The following XKR6 variants were observed in gnomAD, a reference collection of about 807,000 sequenced individuals.
The protein encoded by XKR6 is XK-related protein 6.
A neutral mutation model predicts 56.7 loss-of-function variants in XKR6; 22 were observed. The ratio of observed to expected loss-of-function variants is 0.39; its 90% CI spans 0.28 to 0.55. The LOEUF (loss-of-function observed/expected upper bound fraction) is 0.55, where lower values mean the gene tolerates loss of function less well. Ranked by LOEUF, XKR6 falls within the 20% of genes least tolerant of loss-of-function variation. XKR6 has a pLI of 0.66. For missense variants in XKR6, 852 were observed against 889.0 expected (o/e 0.96, Z 0.53); for synonymous variants, 524 against 387.8 (o/e 1.35, Z -4.13).
At chr8:11,189,878 C>G (rs961114439) in intron 1 of XKR6, among the ~76,000 whole-genome samples, 1 of 152,180 alleles carries the variant, frequency 6.6e-6, no homozygotes, top group Non-Finnish European at 1.5e-5. Context: ...CTGCTTTGGA[C>G]GGGTGCAGTG....
Position 11,201,049 on chromosome 8 carries a change from A to G in XKR6, c.291T>C (p.Pro97=). ...AADGGDQPLQ[P]PAAPGAGRQP... is the part of the protein sequence containing the mutation. Reference sequence around the variant, plus strand: ...GGCGGCCGGCGCCGGGGGCCGCGGGAGGCTGCAGCGGCTGGTCCCCCCCGT... The same window carrying G: ...GGCGGCCGGCGCCGGGGGCCGCGGGGGGCTGCAGCGGCTGGTCCCCCCCGT... The change falls in exon 1 of 3, where the codon CCT becomes CCC. Residue 97 remains proline (P), a synonymous_variant. Coordinates refer to ENST00000416569, the MANE Select transcript of XKR6 (RefSeq NM_173683.4). The G allele has an allele frequency of 8.2e-7, 1 of 1,219,432 alleles. No homozygotes were observed. Among genetic ancestry groups the G allele is most frequent in the Non-Finnish European group, 1.0e-6 (1 of 984,122 alleles). The allele number at this position is 1,219,432 out of a possible 1,614,324, so 75.5% of individuals were successfully genotyped here.
At chr8:11,196,980 GA>G (rs1803924954) in intron 1 of XKR6, among the ~76,000 whole-genome samples, 3 of 76,164 alleles carry the variant, frequency 3.9e-5, no homozygotes, top group Non-Finnish European at 1.1e-4. Context: ...AGATTTTGTA[GA>G]GAGCTGCATA....
chr8:10,999,974 A>G (rs926504288), intron 1 of XKR6, among the ~76,000 whole-genome samples: 4 of 152,364 alleles, frequency 2.6e-5, no homozygotes, highest in African/African-American at 9.6e-5. Flanking sequence ...CGGTCTCCAT[A>G]TGACTTCCCA....
intron 1 of XKR6, chr8:11,195,346 T>C (rs1477169778): frequency 1.7e-6 from 1 of 592,626 alleles, no homozygotes; most frequent in Non-Finnish European, 3.0e-6. Context: ...TCCAAATGGA[T>C]AGTCAACTGC....
intron 1 of XKR6, chr8:11,108,266 C>G (rs1474471095): frequency 2.2e-6 from 1 of 455,868 alleles, no homozygotes; most frequent in Admixed American, 2.4e-5. Flanking sequence ...AAGGAATTAT[C>G]TGTGAATCTT....
At chr8:10,960,507 A>G (rs1156869040) in intron 1 of XKR6, among the ~76,000 whole-genome samples, 1 of 152,244 alleles carries the variant, frequency 6.6e-6, no homozygotes, top group Non-Finnish European at 1.5e-5. Flanking sequence ...ACACGCCTCC[A>G]CAAGAAAGGA....
chr8:11,061,489 A>C (rs934221921), intron 1 of XKR6, among the ~76,000 whole-genome samples: 1 of 151,642 alleles, frequency 6.6e-6, no homozygotes, highest in Non-Finnish European at 1.5e-5. Context: ...AAATTTCTGA[A>C]CCAGTAAAAA....
chr8:11,190,220 G>GAAAGAAAGAGA (rs1401650237), intron 1 of XKR6, among the ~76,000 whole-genome samples: 13 of 116,824 alleles, frequency 1.1e-4, no homozygotes, highest in Admixed American at 2.5e-4. Context: ...AAGAAAGAAA[G>GAAAGAAAGAGA]AAAGAGAAAA....
At position 11,062,495 on chromosome 8, in the gene XKR6, AG is replaced by A. The variant is rs1250084894; in HGVS notation, c.765-137666del. ...ATACATCCAGCTCCATGAGGTCAGG[AG>A]GTATTTCATTATCACCATCTCTCCT... On this transcript the variant is annotated intron_variant, in intron 1 of 2. Transcript: ENST00000416569. Among the ~76,000 whole-genome samples the A allele has an allele frequency of 1.5e-4, 23 of 152,206 alleles. 1 individual carries two copies. The highest frequency in any genetic ancestry group is 1.5e-3 in the Admixed American group (23 of 15,282).
At chr8:11,043,203 C>A (rs1799327929) in intron 1 of XKR6, among the ~76,000 whole-genome samples, 1 of 150,574 alleles carries the variant, frequency 6.6e-6, no homozygotes, top group Non-Finnish European at 1.5e-5. Context: ...CCCAATGCGT[C>A]TTTACTGAAG....
chr8:10,898,980 G>T lies in XKR6; in HGVS notation c.962-64C>A. 6.6e-7 allele frequency: 1 copy of T among 1,518,938 alleles called. No homozygotes were observed. Among genetic ancestry groups the T allele is most frequent in the Non-Finnish European group, 8.8e-7 (1 of 1,141,694 alleles). 94.1% of individuals were successfully genotyped at this position (1,518,938 alleles called of 1,614,324 possible). On this transcript the variant is annotated intron_variant, in intron 2 of 2. Coordinates refer to ENST00000416569, the MANE Select transcript of XKR6 (RefSeq NM_173683.4). This position sits in a 1 kb window ranked among gnomAD's most constrained non-coding sequence, Gnocchi z 6.6. ...GACATCAACCGCAGGGCACAGTGAA[G>T]CTGCCGGCTGAGGAGACGCCCACAT...
At chr8:10,983,034 G>C (rs749665757) in intron 1 of XKR6, among the ~76,000 whole-genome samples, 1 of 152,290 alleles carries the variant, frequency 6.6e-6, no homozygotes, top group African/African-American at 2.4e-5. Flanking sequence ...GTAAGCATCA[G>C]ATGAAAGAAT....
intron 2 of XKR6, among the ~76,000 whole-genome samples, chr8:10,905,472 G>C (rs559084097): frequency 6.6e-6 from 1 of 152,174 alleles, no homozygotes; most frequent in Non-Finnish European, 1.5e-5. Context: ...TGAGGAGACC[G>C]AAACAGCAGT....
intron 1 of XKR6, among the ~76,000 whole-genome samples, chr8:10,959,109 G>T (rs1801983478): frequency 6.6e-6 from 1 of 152,156 alleles, no homozygotes; most frequent in Admixed American, 6.5e-5. Flanking sequence ...GCTCGCTTTG[G>T]GGGTCCCTGG....
chr8:11,059,346 G>C (rs1355048662), intron 1 of XKR6, among the ~76,000 whole-genome samples: 1 of 152,236 alleles, frequency 6.6e-6, no homozygotes, highest in Non-Finnish European at 1.5e-5. Context: ...GCGCCCCGGA[G>C]ACTCTGGCTT....
chr8:11,121,032 T>C (rs180703671), intron 1 of XKR6, among the ~76,000 whole-genome samples: 45 of 152,206 alleles, frequency 3.0e-4, no homozygotes, highest in Non-Finnish European at 4.4e-4. Context: ...AGACAAAAAT[T>C]AATTCAAGAT....
intron 1 of XKR6, among the ~76,000 whole-genome samples, chr8:11,147,885 T>C (rs1801071081): frequency 6.6e-6 from 1 of 151,902 alleles, no homozygotes; most frequent in African/African-American, 2.4e-5. Flanking sequence ...TGTGGCTGTA[T>C]TTGGAGAGGA....
At chr8:11,081,269 C>T (rs1258751744) in intron 1 of XKR6, among the ~76,000 whole-genome samples, 1 of 152,200 alleles carries the variant, frequency 6.6e-6, no homozygotes, top group Non-Finnish European at 1.5e-5. Flanking sequence ...TTTAGCTTGA[C>T]CTCGGCTTCC....
intron 1 of XKR6, among the ~76,000 whole-genome samples, chr8:10,992,016 G>C (rs952052269): frequency 2.6e-5 from 4 of 152,148 alleles, no homozygotes; most frequent in African/African-American, 9.7e-5. Context: ...GATGTCATGA[G>C]ACAGCCATGT....
Sources: gnomAD v4.1 joint callset for allele counts (sites outside exome capture counted in the v4.1 genomes callset) on GRCh38, gnomAD v4.1.1 for gene constraint, Gnocchi (gnomAD v3.1) non-coding constraint, MANE v1.5 for transcripts, NCBI Gene and HGNC (gene_info 2026-07-23, HGNC 2026-07-21) for gene names.